The following COL1A2 variants were observed in gnomAD, a reference collection of about 807,000 sequenced individuals.
COL1A2 encodes the protein collagen alpha-2(I) chain.
Under a neutral mutation model 174.3 loss-of-function variants are expected in COL1A2, and 49 were observed. That is an observed-to-expected ratio of 0.28 (90% CI 0.22 to 0.36). COL1A2 has a LOEUF of 0.36. COL1A2 is among the 10% of genes least tolerant of loss of function. COL1A2 has a pLI of 1.00. For synonymous variants in COL1A2, 655 were observed against 606.6 expected (o/e 1.08, Z -1.17); for missense variants, 1,438 against 1,822.7 (o/e 0.79, Z 3.84).
At chr7:94,422,213 A>C (rs2115938121) in intron 39 of COL1A2, among the ~76,000 whole-genome samples, 1 of 152,080 alleles carries the variant, frequency 6.6e-6, no homozygotes, top group South Asian at 2.1e-4. Context: ...AAAAACAAAA[A>C]AACGAACAGT....
intron 4 of COL1A2, among the ~76,000 whole-genome samples, chr7:94,399,782 A>G (rs1451796471): frequency 1.3e-5 from 2 of 152,218 alleles, no homozygotes; most frequent in African/African-American, 2.4e-5. Context: ...TAACTGTCAC[A>G]TCAGTTAATT....
chr7:94,425,624 C>T lies in COL1A2; in HGVS notation c.2796C>T (p.Asn932=), dbSNP rs757671800. ...TGTCTTCACAGGGCAACCCTGGGAACGATGGTCCCCCAGGTCGCGATGGTC... is the reference window on the plus strand; with the variant it reads ...TGTCTTCACAGGGCAACCCTGGGAATGATGGTCCCCCAGGTCGCGATGGTC... The part of the protein sequence containing the change: ...GEAGRDGNPG[N]DGPPGRDGQP... Residue 932 remains asparagine (N), a synonymous_variant, in exon 43 of 52, where the codon AAC becomes AAT. Coordinates refer to ENST00000297268, the MANE Select transcript of COL1A2 (RefSeq NM_000089.4). 6.3e-5 allele frequency: 102 copies of T among 1,613,936 alleles called. No individual in the cohort carries two copies. Among genetic ancestry groups the T allele is most frequent in the Middle Eastern group, 4.9e-4 (3 of 6,082 alleles).
rs759082012 is a variant in COL1A2 at position 94,425,123 on chromosome 7, C to T, written c.2680C>T (p.Pro894Ser). ...ATCTTCTCTGCCTGTTTAGGGTGAA[C>T]CTGGTCCTCTTGGCATTGCCGGCCC... ...LPGVAGAVGE[P>S]GPLGIAGPPG... The change falls in exon 42 of 52, where the codon CCT (proline) becomes TCT (serine). Residue 894 changes from proline (P) to serine (S), a missense_variant. Physicochemically the swap from Pro to Ser is moderately conservative, Grantham distance 74. Around this residue, in one of 3 missense-constraint regions of COL1A2, gnomAD observed 867 missense variants for 1,213.7 expected, o/e 0.71. Transcript: ENST00000297268. 2 of 1,613,998 alleles carry T rather than the reference C, an allele frequency of 1.2e-6. No homozygotes were observed. The highest frequency in any genetic ancestry group is 1.1e-5 in the South Asian group (1 of 91,080).
At chr7:94,422,799 G>T (rs906985537) in intron 39 of COL1A2, 158 bp from the exon 40 acceptor site, 66 of 950,116 alleles carry the variant, frequency 6.9e-5, no homozygotes, top group Non-Finnish European at 1.0e-4. Flanking sequence ...CTTTCTGCAA[G>T]AAAGAAGGTT....
Position 94,408,243 on chromosome 7 carries a change from G to T in COL1A2, c.693+7G>T, listed in dbSNP as rs759896464. On this transcript the variant is annotated splice_region_variant and intron_variant, in intron 14 of 51. Transcript: ENST00000297268. ...TGGTGCCCCTGGCCCAGCTGTAAGT[G>T]CTTCCATTTTTGTTCAGTTTCATCC... The T allele has an allele frequency of 7.4e-6, 12 of 1,612,996 alleles. 1 individual carries two copies. Among genetic ancestry groups the T allele is most frequent in the Non-Finnish European group, 1.0e-5 (12 of 1,179,600 alleles).
chr7:94,419,168 AC>A lies in COL1A2; in HGVS notation c.2026-329del, dbSNP rs555546043. Among the ~76,000 whole-genome samples the A allele has an allele frequency of 2.2e-3, 337 of 150,948 alleles. 2 individuals carry two copies. The highest frequency in any genetic ancestry group is 8.0e-3 in the African/African-American group (327 of 41,002). Reference sequence around the variant, plus strand: ...TCTGTAATAGTCTTTCTTTTGAATCACGTAGTTCTAACAGTTTCAAACAAGG... The same window carrying A: ...TCTGTAATAGTCTTTCTTTTGAATCAGTAGTTCTAACAGTTTCAAACAAGG... On this transcript the variant is annotated intron_variant, in intron 33 of 51. Coordinates refer to ENST00000297268, the MANE Select transcript of COL1A2 (RefSeq NM_000089.4).
Position 94,421,970 on chromosome 7 carries a change from A to T in COL1A2, c.2403+18A>T. The T allele has an allele frequency of 6.2e-7, 1 of 1,612,654 alleles. No homozygotes were observed. Among genetic ancestry groups the T allele is most frequent in the Non-Finnish European group, 8.5e-7 (1 of 1,178,868 alleles). On this transcript the variant is annotated intron_variant, in intron 39 of 51. Transcript: ENST00000297268. ...GACCCTCTGTAAGTAAATCACTGTA[A>T]ACGTGTCTTCATTTACTCTAGCCAA... is the stretch of plus-strand genomic sequence containing the variant.
Position 94,398,505 on chromosome 7 carries a change from C to A in COL1A2, c.96+109C>A. ...GAAAATACTTTATCAAAATTTTGTT[C>A]ATATGAATATACATTAGCTAAAGCA... is the stretch of plus-strand genomic sequence containing the variant. On this transcript the variant is annotated intron_variant, in intron 3 of 51. Transcript: ENST00000297268. 1.4e-5 allele frequency: 6 copies of A among 437,046 alleles called. No homozygotes were observed. The South Asian group carries it at 2.2e-4, about 16-fold the overall frequency. The allele number at this position is 437,046 out of a possible 1,614,324, so 27.1% of individuals were successfully genotyped here. A position where few individuals can be genotyped will look rare whatever the true frequency, so the allele number is the denominator to read the frequency against.
intron 12 of COL1A2, among the ~76,000 whole-genome samples, chr7:94,407,536 C>T (rs1791828402): frequency 6.6e-6 from 1 of 152,094 alleles, no homozygotes; most frequent in African/African-American, 2.4e-5. Flanking sequence ...TTATCCTTTG[C>T]CATCTCTTTT....
At chr7:94,416,971 A>T (rs867517974) in intron 31 of COL1A2, among the ~76,000 whole-genome samples, 1 of 152,242 alleles carries the variant, frequency 6.6e-6, no homozygotes, top group Non-Finnish European at 1.5e-5. Context: ...CTTGTGTTCC[A>T]AAATAGAATC....
intron 24 of COL1A2, 82 bp downstream of exon 24, chr7:94,412,203 A>G (rs1033323576): frequency 1.2e-5 from 14 of 1,153,242 alleles, no homozygotes; most frequent in Middle Eastern, 3.8e-4. Flanking sequence ...TTATTTATAC[A>G]TGAACACATT....
intron 31 of COL1A2, chr7:94,416,829 A>T (rs1387731534): frequency 1.2e-5 from 3 of 248,514 alleles, no homozygotes; most frequent in Admixed American, 1.0e-4. Flanking sequence ...TTTCAGAGAA[A>T]ATAACTTTTT....
intron 30 of COL1A2, among the ~76,000 whole-genome samples, chr7:94,415,605 T>C (rs952321966): frequency 2.6e-5 from 4 of 152,168 alleles, no homozygotes; most frequent in Non-Finnish European, 5.9e-5. Flanking sequence ...ATAAAGTTAA[T>C]TTTGGCCATG....
chr7:94,413,616 T>C, intron 26 of COL1A2, 74 bp from the exon 27 acceptor site: 1 of 1,392,550 alleles, frequency 7.2e-7, no homozygotes, highest in Middle Eastern at 1.8e-4. Context: ...AAGGAAGTAA[T>C]ACCTGAGGCT....
In COL1A2 at chr7:94,429,441, G is replaced by A. The variant is rs769361898; in HGVS notation, c.3954+11G>A. 50 of 1,613,568 alleles carry A rather than the reference G, an allele frequency of 3.1e-5. No homozygotes were observed. The highest frequency in any genetic ancestry group is 1.7e-5 in the Admixed American group (1 of 59,990). The stretch of plus-strand genomic sequence containing the variant: ...GTAGATGGCTGCTCTGTAAGTAATA[G>A]TGAAATATGGGAATAGCTTTGGGAA... On this transcript the variant is annotated intron_variant, in intron 51 of 51. Transcript: ENST00000297268.
At chr7:94,396,117 A>G (rs1170939247) in intron 1 of COL1A2, among the ~76,000 whole-genome samples, 6 of 152,186 alleles carry the variant, frequency 3.9e-5, no homozygotes, top group Non-Finnish European at 7.3e-5. Context: ...TCTAGGTTCC[A>G]TGGCCAGACT....
chr7:94,405,615 C>A, intron 10 of COL1A2, 58 bp from the exon 11 acceptor site: 1 of 1,449,350 alleles, frequency 6.9e-7, no homozygotes, highest in Middle Eastern at 1.8e-4. Flanking sequence ...GGGAAGAAGT[C>A]ACTGTCTTTT....
At position 94,410,313 on chromosome 7, in the gene COL1A2, C is replaced by T; in HGVS notation, c.1089+18C>T. 6.2e-7 allele frequency: 1 copy of T among 1,613,758 alleles called. No individual in the cohort carries two copies. The highest frequency in any genetic ancestry group is 8.5e-7 in the Non-Finnish European group (1 of 1,179,852). On this transcript the variant is annotated intron_variant, in intron 20 of 51. Transcript: ENST00000297268. The stretch of plus-strand genomic sequence containing the variant: ...GTGAGCCCGTAAGTAGCTCTATCAT[C>T]ACACTTTTATAAAGTTAATTGTTTT...
Position 94,430,377 on chromosome 7 carries a change from C to A in COL1A2, c.4085C>A (p.Pro1362Gln). The A allele has an allele frequency of 6.2e-7, 1 of 1,613,952 alleles. No homozygotes were observed. Among genetic ancestry groups the A allele is most frequent in the South Asian group, 1.1e-5 (1 of 91,058 alleles). The stretch of plus-strand genomic sequence containing the variant: ...CAGGAATTCTTTGTGGACATTGGCC[C>A]AGTCTGTTTCAAATAAATGAACTCA... ...ADQEFFVDIG[P>Q]VCFK The change falls in exon 52 of 52, where the codon CCA becomes CAA. Residue 1362 changes from proline (P) to glutamine (Q), a missense_variant. Around this residue, in one of 3 missense-constraint regions of COL1A2, gnomAD observed 290 missense variants for 298.1 expected, o/e 0.97. Transcript: ENST00000297268.
Sources: allele counts gnomAD v4.1 joint callset (sites outside exome capture counted in the v4.1 genomes callset), GRCh38; gene constraint gnomAD v4.1.1; regional missense constraint gnomAD v4.1.1; transcripts MANE v1.5; gene names NCBI Gene and HGNC (gene_info 2026-07-23, HGNC 2026-07-21).